Variants in NGF observed in about 807,000 individuals in gnomAD.
The protein encoded by NGF is nerve growth factor, also known as beta-nerve growth factor.
A neutral mutation model predicts 12.8 loss-of-function variants in NGF; 4 were observed. The observed-to-expected ratio is 0.31, with a 90% CI of 0.15 to 0.72. The LOEUF is 0.72. Among genes scored for constraint, NGF ranks in the 30% least tolerant of loss-of-function variants. NGF has a pLI of 0.69. For missense variants in NGF, 283 were observed against 330.8 expected, an observed-to-expected ratio of 0.86 and a Z score of 1.12; for synonymous variants, 140 against 130.0, an observed-to-expected ratio of 1.08 and a Z score of -0.52.
intron 1 of NGF, among the ~76,000 whole-genome samples, chr1:115,329,390 C>A (rs1445775864): frequency 6.6e-6 from 1 of 152,190 alleles, no homozygotes; most frequent in African/African-American, 2.4e-5. Context: ...TACCCAAGAT[C>A]ACACAACTGC....
intron 1 of NGF, among the ~76,000 whole-genome samples, chr1:115,322,106 G>A (rs977069609): frequency 6.6e-5 from 10 of 152,182 alleles, no homozygotes; most frequent in African/African-American, 2.4e-4. Flanking sequence ...GATCATAAAT[G>A]AGACAACCCT....
At chr1:115,332,019 T>A (rs1448767475) in intron 1 of NGF, among the ~76,000 whole-genome samples, 1 of 152,222 alleles carries the variant, frequency 6.6e-6, no homozygotes, top group East Asian at 1.9e-4. Flanking sequence ...GCTCTTGGTC[T>A]GGGAGAGCAG....
chr1:115,297,140 T>G (rs1653897974), intron 1 of NGF, among the ~76,000 whole-genome samples: 1 of 152,212 alleles, frequency 6.6e-6, no homozygotes, highest in African/African-American at 2.4e-5. Flanking sequence ...ATGTTAGAAA[T>G]GCAAATTCTT....
chr1:115,322,999 T>C (rs904266711), intron 1 of NGF, among the ~76,000 whole-genome samples: 1 of 152,218 alleles, frequency 6.6e-6, no homozygotes, highest in Non-Finnish European at 1.5e-5. Flanking sequence ...TGCTAAGTGT[T>C]ACATATGTTC....
chr1:115,302,729 G>T (rs1654076789), intron 1 of NGF, among the ~76,000 whole-genome samples: 1 of 152,208 alleles, frequency 6.6e-6, no homozygotes, highest in Non-Finnish European at 1.5e-5. Context: ...TCCCCGGGAA[G>T]GTGGGCGCTA....
intron 1 of NGF, among the ~76,000 whole-genome samples, chr1:115,311,790 G>A (rs1654341345): frequency 6.6e-6 from 1 of 152,126 alleles, no homozygotes; most frequent in Admixed American, 6.5e-5. Flanking sequence ...ATACAATTAG[G>A]AGCCACTCAG....
chr1:115,337,271 T>TTG lies in NGF; in HGVS notation c.-137+932_-137+933insCA, dbSNP rs1557950819. Among the ~76,000 whole-genome samples the TTG allele has an allele frequency of 1.3e-4, 5 of 39,772 alleles. 1 individual carries two copies. The highest frequency in any genetic ancestry group is 5.5e-4 in the African/African-American group (5 of 9,110). 26.1% of individuals were successfully genotyped at this position (39,772 alleles called of 152,430 possible). A position where few individuals can be genotyped will look rare whatever the true frequency, so the allele number is the denominator to read the frequency against. On this transcript the variant is annotated intron_variant, in intron 1 of 2. Coordinates refer to ENST00000369512, the MANE Select transcript of NGF (RefSeq NM_002506.3). Reference sequence around the variant, plus strand: ...AATTTTTTTTGTTTTGTTTTTGTTTTTTTTTTTTTTTTTTTTTTTTTTTTT... The same window carrying TTG: ...AATTTTTTTTGTTTTGTTTTTGTTTTTGTTTTTTTTTTTTTTTTTTTTTTTTT...
intron 1 of NGF, among the ~76,000 whole-genome samples, chr1:115,323,548 G>A (rs1654685942): frequency 6.6e-6 from 1 of 152,192 alleles, no homozygotes; most frequent in Non-Finnish European, 1.5e-5. Flanking sequence ...TGCCCAGGCA[G>A]CTATGAGACT....
intron 1 of NGF, among the ~76,000 whole-genome samples, chr1:115,302,329 C>G (rs1214506746): frequency 6.6e-6 from 1 of 152,168 alleles, no homozygotes; most frequent in Non-Finnish European, 1.5e-5. Flanking sequence ...TCTTTATGAG[C>G]ACTAAAAGTG....
chr1:115,329,860 C>G (rs905223457), intron 1 of NGF, among the ~76,000 whole-genome samples: 2 of 151,440 alleles, frequency 1.3e-5, no homozygotes, highest in African/African-American at 4.9e-5. Context: ...AGTGATTCTC[C>G]CACCTTAATC....
chr1:115,302,404 A>C (rs1363143512), intron 1 of NGF, among the ~76,000 whole-genome samples: 1 of 152,196 alleles, frequency 6.6e-6, no homozygotes, highest in Non-Finnish European at 1.5e-5. Context: ...TCTTGTCCAG[A>C]ATTTCCTTGG....
chr1:115,322,146 A>T (rs768186219), intron 1 of NGF, among the ~76,000 whole-genome samples: 7 of 152,252 alleles, frequency 4.6e-5, no homozygotes, highest in Non-Finnish European at 7.3e-5. Context: ...GTCCAAGGAC[A>T]CTAGAGAAAC....
chr1:115,306,234 A>G (rs1187600006), intron 1 of NGF, among the ~76,000 whole-genome samples: 1 of 152,246 alleles, frequency 6.6e-6, no homozygotes, highest in East Asian at 1.9e-4. Context: ...AGCAATAAAC[A>G]TTGAGCAGAA....
intron 1 of NGF, among the ~76,000 whole-genome samples, chr1:115,335,103 A>C (rs1655073592): frequency 6.6e-6 from 1 of 152,214 alleles, no homozygotes; most frequent in African/African-American, 2.4e-5. Flanking sequence ...AACATCACGA[A>C]CCACCAGAAA....
At chr1:115,290,330 A>G (rs995188343) in intron 2 of NGF, among the ~76,000 whole-genome samples, 11 of 149,824 alleles carry the variant, frequency 7.3e-5, no homozygotes, top group South Asian at 2.1e-4. Context: ...AACAACTTCA[A>G]TGCTGCTTCC....
At chr1:115,313,276 C>G (rs572360562) in intron 1 of NGF, among the ~76,000 whole-genome samples, 1 of 152,336 alleles carries the variant, frequency 6.6e-6, no homozygotes, top group South Asian at 2.1e-4. Flanking sequence ...GGATGCACAT[C>G]TTTGAAAATC....
At chr1:115,293,460 G>A (rs1224034180) in intron 2 of NGF, among the ~76,000 whole-genome samples, 167 bp downstream of exon 2, 1 of 152,230 alleles carries the variant, frequency 6.6e-6, no homozygotes, top group Non-Finnish European at 1.5e-5. Context: ...CCTTTCCTGA[G>A]TGGGCTAGGG....
At chr1:115,297,861 T>A (rs555088587) in intron 1 of NGF, among the ~76,000 whole-genome samples, 199 of 152,342 alleles carry the variant, frequency 1.3e-3, no homozygotes, top group South Asian at 4.1e-3. Context: ...CTTCAGAGAT[T>A]CTGATTTCAT....
At position 115,337,261 on chromosome 1, in the gene NGF, G is replaced by GTTTTTTTTTTTTT. The variant is rs368973980; in HGVS notation, c.-137+942_-137+943insAAAAAAAAAAAAA. Among the ~76,000 whole-genome samples, 4 of 11,756 alleles carry GTTTTTTTTTTTTT rather than the reference G, an allele frequency of 3.4e-4. 1 individual carries two copies. The highest frequency in any genetic ancestry group is 7.7e-4 in the Non-Finnish European group (4 of 5,212). 7.7% of individuals were successfully genotyped at this position (11,756 alleles called of 152,430 possible). ...AGAATCTCGAAATTTTTTTTGTTTT[G>GTTTTTTTTTTTTT]TTTTTGTTTTTTTTTTTTTTTTTTT... On this transcript the variant is annotated intron_variant, in intron 1 of 2. Coordinates refer to ENST00000369512, the MANE Select transcript of NGF (RefSeq NM_002506.3).
Sources: gnomAD v4.1 joint callset for allele counts (sites outside exome capture counted in the v4.1 genomes callset) on GRCh38, gnomAD v4.1.1 for gene constraint, MANE v1.5 for transcripts, NCBI Gene and HGNC (gene_info 2026-07-23, HGNC 2026-07-21) for gene names.